The following LRTM3 variants were observed in gnomAD, a reference collection of about 807,000 sequenced individuals.
LRTM3 encodes the protein leucine-rich repeat transmembrane protein 3.
At chr13:102,735,279 T>C in the LRTM3 span, 116 of 1,551,224 alleles carry the variant, frequency 7.5e-5, no homozygotes, top group East Asian at 9.0e-4. Context: ...TTCTCTTCTT[T>C]CTGTAGCAGG....
chr13:102,745,376 G>T, the LRTM3 span: 16 of 1,550,302 alleles, frequency 1.0e-5, no homozygotes, highest in Admixed American at 2.9e-4. Context: ...GTCTTTTTCT[G>T]TTTCTACCTT....
chr13:102,731,500 C>A, the LRTM3 span: 2 of 1,551,250 alleles, frequency 1.3e-6, no homozygotes, highest in East Asian at 2.4e-5. Context: ...ATTTGTGCTG[C>A]GTTTTGGGAT....
chr13:102,754,353 AATTT>A, the LRTM3 span, among the ~76,000 whole-genome samples: 6 of 151,814 alleles, frequency 4.0e-5, no homozygotes, highest in African/African-American at 1.2e-4. Context: ...CCTGACATAT[AATTT>A]ATTTATTATG....
the LRTM3 span, among the ~76,000 whole-genome samples, chr13:102,752,655 AG>A: frequency 6.6e-6 from 1 of 152,378 alleles, no homozygotes; most frequent in South Asian, 2.1e-4. Context: ...CTCAAATTTT[AG>A]AGCACTTATT....
chr13:102,747,804 TAGAA>T, the LRTM3 span: 4 of 1,551,048 alleles, frequency 2.6e-6, no homozygotes, highest in African/African-American at 5.5e-5. Flanking sequence ...ATAGTTTGTG[TAGAA>T]AGAGTTTGTG....
the LRTM3 span, chr13:102,758,804 T>C: frequency 6.5e-7 from 1 of 1,550,240 alleles, no homozygotes; most frequent in Non-Finnish European, 8.7e-7. Flanking sequence ...CTAGTAAAAT[T>C]ATAAAGAAAA....
At chr13:102,734,121 C>T in the LRTM3 span, 1 of 1,551,410 alleles carries the variant, frequency 6.4e-7, no homozygotes, top group Non-Finnish European at 8.7e-7. Context: ...AACACTAATT[C>T]CTTTGCATTA....
At chr13:102,729,883 T>C in the LRTM3 span, 1 of 1,552,100 alleles carries the variant, frequency 6.4e-7, no homozygotes, top group South Asian at 1.2e-5. Context: ...CTTGGCTTTC[T>C]GGGTGCCTGT....
the LRTM3 span, among the ~76,000 whole-genome samples, chr13:102,756,346 G>T: frequency 2.2e-4 from 33 of 147,712 alleles, no homozygotes; most frequent in African/African-American, 8.0e-4. Flanking sequence ...AGTGAGTTAA[G>T]TCATTAGCCC....
chr13:102,754,843 A>C, the LRTM3 span, among the ~76,000 whole-genome samples: 1 of 152,182 alleles, frequency 6.6e-6, no homozygotes, highest in Non-Finnish European at 1.5e-5. Context: ...TAAATCAATC[A>C]ATGGCAATCC....
At chr13:102,756,952 G>A in the LRTM3 span, among the ~76,000 whole-genome samples, 1 of 152,106 alleles carries the variant, frequency 6.6e-6, no homozygotes, top group East Asian at 1.9e-4. Flanking sequence ...AATCTTTAAA[G>A]TGTCCTTGAT....
At chr13:102,745,135 A>C in the LRTM3 span, 1 of 1,550,686 alleles carries the variant, frequency 6.4e-7, no homozygotes. Flanking sequence ...GAATTTTCCT[A>C]CTTCCTTGGT....
chr13:102,737,754 C>T, the LRTM3 span: 3 of 1,550,904 alleles, frequency 1.9e-6, no homozygotes, highest in East Asian at 7.3e-5. Context: ...ACCCCATTTG[C>T]TTTTTTCCCT....
At chr13:102,743,092 T>C in the LRTM3 span, 56 of 1,550,282 alleles carry the variant, frequency 3.6e-5, no homozygotes, top group Non-Finnish European at 4.8e-5. Flanking sequence ...TTCTAAGATA[T>C]GTGTTTGCCA....
At chr13:102,756,499 C>T in the LRTM3 span, among the ~76,000 whole-genome samples, 816 of 150,936 alleles carry the variant, frequency 5.4e-3, 14 homozygotes, top group African/African-American at 0.018. Context: ...ATGGTGAAAC[C>T]GCATCTCTAC....
chr13:102,745,364 GT>G, the LRTM3 span: 1 of 1,550,362 alleles, frequency 6.5e-7, no homozygotes, highest in Non-Finnish European at 8.7e-7. Flanking sequence ...TTCTCTTAGC[GT>G]GTCTTTTTCT....
chr13:102,730,853 T>A, the LRTM3 span: 25 of 1,551,490 alleles, frequency 1.6e-5, no homozygotes, highest in Middle Eastern at 3.3e-4. Context: ...TAAATCAAGA[T>A]CTATTTGATG....
the LRTM3 span, chr13:102,749,697 C>T: frequency 6.4e-7 from 1 of 1,551,458 alleles, no homozygotes; most frequent in Admixed American, 2.0e-5. Flanking sequence ...GCTTTGCTCT[C>T]AGGCTGGCTC....
the LRTM3 span, chr13:102,747,196 T>G: frequency 5.8e-6 from 9 of 1,550,652 alleles, no homozygotes; most frequent in Non-Finnish European, 7.8e-6. Context: ...CCTCTTGGAC[T>G]AGCTTGATAT....
Sources: allele counts gnomAD v4.1 joint callset (sites outside exome capture counted in the v4.1 genomes callset), GRCh38; gene constraint gnomAD v4.1.1; transcripts MANE v1.5; gene names NCBI Gene and HGNC (gene_info 2026-07-23, HGNC 2026-07-21).